Variants in TMEFF1 observed in about 807,000 individuals in gnomAD.
TMEFF1 encodes the protein tomoregulin-1.
Under a neutral mutation model 47.5 loss-of-function variants are expected in TMEFF1, and 20 were observed. The observed-to-expected ratio is 0.42, with a 90% CI of 0.30 to 0.61. The LOEUF is 0.61. TMEFF1 is among the 20% of genes least tolerant of loss of function. The probability of loss-of-function intolerance (pLI) is 0.19; values close to 1 mark genes in which losing one functional copy is unlikely to be tolerated. For missense variants in TMEFF1, 411 were observed against 471.1 expected, an observed-to-expected ratio of 0.87 and a Z score of 1.18; for synonymous variants, 162 against 166.3, an observed-to-expected ratio of 0.97 and a Z score of 0.20.
At position 100,508,970 on chromosome 9, in the gene TMEFF1, C is replaced by T. The variant is rs756377811; in HGVS notation, c.307-35C>T. 10 of 1,530,766 alleles carry T rather than the reference C, an allele frequency of 6.5e-6. No individual in the cohort carries two copies. In the Middle Eastern group the frequency reaches 1.0e-3, roughly 159 times the overall value. 94.8% of individuals were successfully genotyped at this position (1,530,766 alleles called of 1,614,324 possible). On this transcript the variant is annotated intron_variant, in intron 2 of 9. Coordinates refer to ENST00000374879, the MANE Select transcript of TMEFF1 (RefSeq NM_003692.5). The stretch of plus-strand genomic sequence containing the variant: ...TGAAATAAACTATTAATATTCATGC[C>T]TAGTTCTGAGAATTTATTTTTGTTG...
intron 5 of TMEFF1, among the ~76,000 whole-genome samples, chr9:100,547,080 A>G (rs768837060): frequency 6.6e-6 from 1 of 152,116 alleles, no homozygotes; most frequent in Non-Finnish European, 1.5e-5. Flanking sequence ...CAGTGGTGCA[A>G]TTATGGCTCA....
intron 1 of TMEFF1, among the ~76,000 whole-genome samples, chr9:100,489,296 C>T (rs538772728): frequency 6.6e-6 from 1 of 152,036 alleles, no homozygotes; most frequent in Non-Finnish European, 1.5e-5. Flanking sequence ...CAGCCTTGAC[C>T]TCCGGCTCGT....
At chr9:100,570,870 A>G (rs939631284) in intron 8 of TMEFF1, among the ~76,000 whole-genome samples, 1 of 152,100 alleles carries the variant, frequency 6.6e-6, no homozygotes, top group Non-Finnish European at 1.5e-5. Context: ...TACTGTTTTT[A>G]TACTTCAAAT....
chr9:100,574,557 T>G (rs1175271499), intron 9 of TMEFF1, among the ~76,000 whole-genome samples: 1 of 151,956 alleles, frequency 6.6e-6, no homozygotes, highest in Non-Finnish European at 1.5e-5. Context: ...TTTTTTTTTT[T>G]GTAGAGACTG....
At chr9:100,565,462 G>A (rs886113052) in intron 8 of TMEFF1, among the ~76,000 whole-genome samples, 9 of 152,044 alleles carry the variant, frequency 5.9e-5, no homozygotes, top group South Asian at 4.2e-4. Flanking sequence ...CATGGCTGTC[G>A]GTGAAAAGCA....
At chr9:100,525,458 G>T (rs966465287) in intron 5 of TMEFF1, among the ~76,000 whole-genome samples, 25 of 152,140 alleles carry the variant, frequency 1.6e-4, no homozygotes, top group African/African-American at 5.8e-4. Flanking sequence ...GCCAGATGAA[G>T]AAGTACATAA....
At chr9:100,483,623 A>G (rs781691422) in intron 1 of TMEFF1, among the ~76,000 whole-genome samples, 3 of 152,246 alleles carry the variant, frequency 2.0e-5, no homozygotes, top group Non-Finnish European at 4.4e-5. Context: ...TCTCCATGTT[A>G]TATTAACTAT....
chr9:100,563,054 G>C (rs1839051404), intron 8 of TMEFF1, among the ~76,000 whole-genome samples: 1 of 152,166 alleles, frequency 6.6e-6, no homozygotes, highest in South Asian at 2.1e-4. Context: ...TTGACCTCAT[G>C]ATCCGCCCGC....
At chr9:100,505,279 G>T (rs1301463784) in intron 2 of TMEFF1, among the ~76,000 whole-genome samples, 1 of 151,738 alleles carries the variant, frequency 6.6e-6, no homozygotes, top group Non-Finnish European at 1.5e-5. Context: ...GGGCATGGTG[G>T]TGTGTGCCTG....
intron 1 of TMEFF1, among the ~76,000 whole-genome samples, chr9:100,476,918 G>A (rs1435437523): frequency 1.3e-5 from 2 of 151,724 alleles, no homozygotes; most frequent in African/African-American, 4.8e-5. Flanking sequence ...GGATGGTCTC[G>A]ATCTCCTGAC....
At chr9:100,521,968 A>G (rs1838168915) in intron 5 of TMEFF1, among the ~76,000 whole-genome samples, 1 of 152,136 alleles carries the variant, frequency 6.6e-6, no homozygotes, top group Non-Finnish European at 1.5e-5. Flanking sequence ...AGTTTAATCC[A>G]CCTGCTGGAC....
chr9:100,496,510 G>T (rs1837652168), intron 1 of TMEFF1, among the ~76,000 whole-genome samples: 1 of 152,264 alleles, frequency 6.6e-6, no homozygotes, highest in African/African-American at 2.4e-5. Flanking sequence ...AAAGTGCTGG[G>T]ATTACAGGCG....
intron 1 of TMEFF1, among the ~76,000 whole-genome samples, chr9:100,481,625 A>G (rs1587812098): frequency 6.6e-6 from 1 of 152,228 alleles, no homozygotes; most frequent in East Asian, 1.9e-4. Flanking sequence ...GAGTGACATT[A>G]TGGTTTTAGA....
At position 100,516,765 on chromosome 9, in the gene TMEFF1, A is replaced by C. The variant is rs1183059540; in HGVS notation, c.554A>C (p.Asn185Thr). 4.3e-6 allele frequency: 7 copies of C among 1,613,072 alleles called. No individual in the cohort carries two copies. The highest frequency in any genetic ancestry group is 5.1e-6 in the Non-Finnish European group (6 of 1,179,712). The part of the protein sequence containing the change: ...YKAECDEDAE[N>T]VGCVCNIDCS... ...GCTGAGTGTGATGAAGATGCAGAAA[A>C]TGTTGGGTGAGTTGGTTGAGGGGAA... is the stretch of plus-strand genomic sequence containing the variant. Residue 185 changes from asparagine (N) to threonine (T), a missense_variant, in exon 5 of 10, where the codon AAT (asparagine) becomes ACT (threonine). Transcript: ENST00000374879.
intron 2 of TMEFF1, among the ~76,000 whole-genome samples, chr9:100,503,535 AAC>A (rs66485935): frequency 0.31 from 44,421 of 143,710 alleles, 7,081 homozygotes; most frequent in Non-Finnish European, 0.37. Context: ...GAGAAACAGA[AAC>A]ACACACACAC....
chr9:100,556,033 G>T lies in TMEFF1; in HGVS notation c.776-5364G>T, dbSNP rs76847801. Among the ~76,000 whole-genome samples, 154 of 152,218 alleles carry T rather than the reference G, an allele frequency of 1.0e-3. 1 individual carries two copies. Among genetic ancestry groups the T allele is most frequent in the African/African-American group, 3.5e-3 (147 of 41,528 alleles). On this transcript the variant is annotated intron_variant, in intron 7 of 9. Transcript: ENST00000374879. ...TACCATGATTCTAGAATTCTTTTCT[G>T]CTTCCTTGCTTTCTTAATTACCTTC... is the stretch of plus-strand genomic sequence containing the variant.
chr9:100,575,411 T>A (rs1021721745), intron 9 of TMEFF1, among the ~76,000 whole-genome samples: 1 of 152,162 alleles, frequency 6.6e-6, no homozygotes, highest in African/African-American at 2.4e-5. Flanking sequence ...ACTAGGAAAT[T>A]GGAATTTTTC....
chr9:100,576,369 AAC>A lies in TMEFF1; in HGVS notation c.1059-145_1059-144del. On this transcript the variant is annotated intron_variant, in intron 9 of 9. Transcript: ENST00000374879. The stretch of plus-strand genomic sequence containing the variant: ...TGTGTTCATCTTCATCTTGTCTTGC[AAC>A]AGATACCATCTCATTTCCCTTTCAT... 2.9e-6 allele frequency: 3 copies of A among 1,020,254 alleles called. No individual in the cohort carries two copies. In the South Asian group the frequency reaches 5.1e-5, roughly 17 times the overall value. The allele number at this position is 1,020,254 out of a possible 1,614,324, so 63.2% of individuals were successfully genotyped here. A position where few individuals can be genotyped will look rare whatever the true frequency, so the allele number is the denominator to read the frequency against.
chr9:100,537,007 T>C (rs189569230), intron 5 of TMEFF1, among the ~76,000 whole-genome samples: 1 of 152,324 alleles, frequency 6.6e-6, no homozygotes, highest in Admixed American at 6.5e-5. Flanking sequence ...CATGATAGAA[T>C]TAGAGTCTAA....
Sources: allele counts gnomAD v4.1 joint callset (sites outside exome capture counted in the v4.1 genomes callset), GRCh38; gene constraint gnomAD v4.1.1; transcripts MANE v1.5; gene names NCBI Gene and HGNC (gene_info 2026-07-23, HGNC 2026-07-21).